RBFOX1: variants seen among roughly 807,000 people sequenced by gnomAD.
The protein encoded by RBFOX1 is RNA binding fox-1 homolog 1.
In RBFOX1, 8 loss-of-function variants were observed where a neutral mutation model predicts 57.7. The observed-to-expected ratio is 0.14, with a 90% CI of 0.08 to 0.25. The LOEUF is 0.25. Among genes scored for constraint, RBFOX1 ranks in the 10% least tolerant of loss-of-function variants. The probability of loss-of-function intolerance (pLI) is 1.00; values close to 1 mark genes in which losing one functional copy is unlikely to be tolerated. For missense variants in RBFOX1, 611 were observed against 548.5 expected (o/e 1.11, Z -1.14); for synonymous variants, 326 against 222.4 (o/e 1.47, Z -4.15).
chr16:5,975,636 T>C (rs2060047218), intron 4 of RBFOX1, among the ~76,000 whole-genome samples: 1 of 152,174 alleles, frequency 6.6e-6, no homozygotes, highest in Admixed American at 6.5e-5. Flanking sequence ...TGATCAGTTC[T>C]GGAGTAAAGG....
chr16:6,622,229 C>T (rs1331947085), intron 2 of RBFOX1, among the ~76,000 whole-genome samples: 15 of 152,152 alleles, frequency 9.9e-5, no homozygotes, highest in Non-Finnish European at 2.2e-4. Flanking sequence ...TATAGTTCTG[C>T]ACCACATAAT....
intron 4 of RBFOX1, among the ~76,000 whole-genome samples, chr16:7,421,081 C>T (rs773181889): frequency 2.6e-5 from 4 of 151,756 alleles, no homozygotes; most frequent in East Asian, 3.9e-4. Flanking sequence ...AGTCTTGTGG[C>T]GGTGTCATTT....
At chr16:6,699,883 T>A (rs2154140661) in intron 3 of RBFOX1, among the ~76,000 whole-genome samples, 1 of 152,276 alleles carries the variant, frequency 6.6e-6, no homozygotes, top group East Asian at 1.9e-4. Context: ...CTGCCACAAG[T>A]CCTTCAATTT....
chr16:7,067,083 A>G (rs1001929224), intron 4 of RBFOX1, among the ~76,000 whole-genome samples: 1 of 152,204 alleles, frequency 6.6e-6, no homozygotes, highest in African/African-American at 2.4e-5. Flanking sequence ...CACAGAATCT[A>G]TACCAGGCAT....
At chr16:5,704,458 T>G (rs919874498) in intron 3 of RBFOX1, among the ~76,000 whole-genome samples, 23 of 152,084 alleles carry the variant, frequency 1.5e-4, no homozygotes, top group Admixed American at 5.2e-4. Context: ...CTGTTGGCTT[T>G]TTGTCCTTTG....
At chr16:7,049,199 T>C (rs1272337916) in intron 3 of RBFOX1, among the ~76,000 whole-genome samples, 1 of 152,154 alleles carries the variant, frequency 6.6e-6, no homozygotes, top group Non-Finnish European at 1.5e-5. Flanking sequence ...AAGCTGGTGG[T>C]TTTTTGTTTG....
chr16:7,062,952 CT>C (rs1236712449), intron 4 of RBFOX1, among the ~76,000 whole-genome samples: 1 of 65,922 alleles, frequency 1.5e-5, no homozygotes, highest in Non-Finnish European at 3.0e-5. Flanking sequence ...AGACCTATTC[CT>C]TTTTTCTGTG....
chr16:7,358,727 T>C (rs1312336012), intron 4 of RBFOX1, among the ~76,000 whole-genome samples: 1 of 152,192 alleles, frequency 6.6e-6, no homozygotes, highest in Admixed American at 6.5e-5. Flanking sequence ...GTCTCTTAAG[T>C]ACTTTTTATA....
intron 2 of RBFOX1, among the ~76,000 whole-genome samples, chr16:6,540,304 T>G (rs2096795455): frequency 1.0e-5 from 1 of 97,606 alleles, no homozygotes; most frequent in African/African-American, 3.1e-5. Context: ...ATAAGCTGGC[T>G]GGCTGTAAAA....
At chr16:7,135,457 C>A (rs1008553732) in intron 4 of RBFOX1, among the ~76,000 whole-genome samples, 1 of 152,208 alleles carries the variant, frequency 6.6e-6, no homozygotes, top group Non-Finnish European at 1.5e-5. Context: ...TGTTACCAAG[C>A]TACAGCAAAT....
intron 2 of RBFOX1, among the ~76,000 whole-genome samples, chr16:6,635,119 GT>G (rs1363338799): frequency 6.9e-6 from 1 of 145,282 alleles, no homozygotes; most frequent in African/African-American, 2.5e-5. Flanking sequence ...TTATATGTAA[GT>G]ATACATTATG....
At chr16:6,193,375 T>TATACATTATATATATATATATAC (rs1555545321) in intron 1 of RBFOX1, among the ~76,000 whole-genome samples, 1 of 64,864 alleles carries the variant, frequency 1.5e-5, no homozygotes, top group African/African-American at 4.4e-5. Context: ...TATATATATA[T>TATACATTATATATATATATATAC]ACATTATATA....
rs2082192573 is a variant in RBFOX1 at position 6,324,818 on chromosome 16, G to C, written c.-64+7761G>C. Among the ~76,000 whole-genome samples, 5 of 152,122 alleles carry C rather than the reference G, an allele frequency of 3.3e-5. No individual in the cohort carries two copies. The South Asian group carries it at 1.0e-3, about 32-fold the overall frequency. On this transcript the variant is annotated intron_variant, in intron 2 of 15. Coordinates refer to ENST00000550418, the MANE Select transcript of RBFOX1 (RefSeq NM_018723.4). ...TAGAAACTAGGCCACAGAAGAGAAG[G>C]TTGAAGGGAAGTATCATTATCTCAG...
At position 7,063,122 on chromosome 16, in the gene RBFOX1, C is replaced by G. The variant is rs115952236; in HGVS notation, c.27+11024C>G. Among the ~76,000 whole-genome samples, 604 of 151,984 alleles carry G rather than the reference C, an allele frequency of 4.0e-3. 3 individuals are homozygous for G. Among genetic ancestry groups the G allele is most frequent in the African/African-American group, 0.014 (565 of 41,458 alleles). On this transcript the variant is annotated intron_variant, in intron 4 of 15. Coordinates refer to ENST00000550418, the MANE Select transcript of RBFOX1 (RefSeq NM_018723.4). Reference sequence around the variant, plus strand: ...AATCGGCGCTGACTTTATGTATTGACAGCTAAGAGAAAGGAGCTCTTGGTT... The same window carrying G: ...AATCGGCGCTGACTTTATGTATTGAGAGCTAAGAGAAAGGAGCTCTTGGTT...
At chr16:6,547,126 C>T (rs543301786) in intron 2 of RBFOX1, among the ~76,000 whole-genome samples, 35 of 152,266 alleles carry the variant, frequency 2.3e-4, no homozygotes, top group African/African-American at 8.2e-4. Flanking sequence ...AAGTATCTGG[C>T]GCTCTTTTAC....
intron 4 of RBFOX1, among the ~76,000 whole-genome samples, chr16:7,155,586 C>T (rs1370483705): frequency 7.3e-5 from 10 of 136,824 alleles, no homozygotes; most frequent in East Asian, 4.6e-4. Context: ...ACAGGGTGAG[C>T]ACTTGTCTGA....
rs189885135 is a variant in RBFOX1, at chr16:7,024,430, T to C, written c.-15-27627T>C. On this transcript the variant is annotated intron_variant, in intron 3 of 15. Transcript: ENST00000550418. The stretch of plus-strand genomic sequence containing the variant: ...CAATTATTTTTCTGTTTGGGGAACA[T>C]TAAAACATAATCTACCATGAATTTA... 2.1e-3 allele frequency among the ~76,000 whole-genome samples: 327 copies of C among 152,288 alleles called. 3 individuals carry two copies. Among genetic ancestry groups the C allele is most frequent in the Non-Finnish European group, 3.2e-3 (220 of 68,020 alleles).
chr16:5,695,416 C>G (rs1471288490), intron 3 of RBFOX1, among the ~76,000 whole-genome samples: 2 of 152,122 alleles, frequency 1.3e-5, no homozygotes, highest in East Asian at 1.9e-4. Flanking sequence ...CTGAGAATCT[C>G]TAAAAAACCA....
At chr16:6,770,594 C>G (rs1021769143) in intron 3 of RBFOX1, among the ~76,000 whole-genome samples, 5 of 145,426 alleles carry the variant, frequency 3.4e-5, no homozygotes, top group Non-Finnish European at 7.4e-5. Context: ...GTTCCCTGTT[C>G]AATTTTTTTT....
Sources: allele counts gnomAD v4.1 joint callset (sites outside exome capture counted in the v4.1 genomes callset), GRCh38; gene constraint gnomAD v4.1.1; transcripts MANE v1.5; gene names NCBI Gene and HGNC (gene_info 2026-07-23, HGNC 2026-07-21).